Variants in ZNF718 observed in about 807,000 individuals in gnomAD.
ZNF718 encodes zinc finger protein 718.
Under a neutral mutation model 2.6 loss-of-function variants are expected in ZNF718, and 3 were observed. The observed-to-expected ratio is 1.16, with a 90% CI of 0.53 to 3.01. The LOEUF is 3.01. Among genes scored for constraint, ZNF718 ranks in the 30% most tolerant of loss-of-function variants. The pLI, the probability that ZNF718 is intolerant of heterozygous loss-of-function variation, is 0.03. For synonymous variants in ZNF718, 135 were observed against 77.9 expected, an observed-to-expected ratio of 1.73 and a Z score of -3.86; for missense variants, 468 against 230.0, an observed-to-expected ratio of 2.03 and a Z score of -6.69.
At chr4:178,884 G>A (rs1183756677) in intron 3 of ZNF718, among the ~76,000 whole-genome samples, 1 of 152,138 alleles carries the variant, frequency 6.6e-6, no homozygotes, top group African/African-American at 2.4e-5. Context: ...TATGCAGAAG[G>A]TTTTGAAAGT....
At chr4:155,926 T>A (rs1199925050) in intron 3 of ZNF718, among the ~76,000 whole-genome samples, 2 of 152,160 alleles carry the variant, frequency 1.3e-5, no homozygotes, top group Non-Finnish European at 2.9e-5. Context: ...GATAATTGAA[T>A]CAGGGCAGTG....
chr4:158,907 C>G (rs1322934502), intron 3 of ZNF718, among the ~76,000 whole-genome samples: 6 of 132,968 alleles, frequency 4.5e-5, no homozygotes, highest in Non-Finnish European at 7.9e-5. Flanking sequence ...TTTTTTTTTG[C>G]AAGGCAGATG....
At chr4:174,750 T>C (rs782468789) in intron 3 of ZNF718, among the ~76,000 whole-genome samples, 13 of 152,164 alleles carry the variant, frequency 8.5e-5, no homozygotes, top group Non-Finnish European at 1.8e-4. Flanking sequence ...TTCAAGTAAT[T>C]TCCAAGGCCC....
intron 1 of ZNF718, among the ~76,000 whole-genome samples, chr4:125,498 G>C (rs781873233): frequency 7.9e-5 from 12 of 152,178 alleles, no homozygotes; most frequent in Non-Finnish European, 1.3e-4. Flanking sequence ...ACCCCGTTGG[G>C]GTTGGAGCAT....
chr4:168,459 C>T (rs1468632263), downstream of ZNF718, among the ~76,000 whole-genome samples: 5 of 152,064 alleles, frequency 3.3e-5, no homozygotes, highest in East Asian at 1.9e-4. Flanking sequence ...TGGTAGAGTT[C>T]GGCTGTGAAT....
At chr4:183,225 C>G (rs1717502298) in intron 3 of ZNF718, among the ~76,000 whole-genome samples, 1 of 152,170 alleles carries the variant, frequency 6.6e-6, no homozygotes, top group Admixed American at 6.5e-5. Context: ...TATGGCTAGC[C>G]AGTTCTCCCA....
chr4:188,456 C>A (rs1229299390), intron 3 of ZNF718, among the ~76,000 whole-genome samples: 2 of 152,162 alleles, frequency 1.3e-5, no homozygotes, highest in African/African-American at 4.8e-5. Context: ...GAATTCCAAG[C>A]CAGTGGGTCT....
At chr4:149,462 G>A (rs1310736460) in intron 3 of ZNF718, among the ~76,000 whole-genome samples, 1 of 151,578 alleles carries the variant, frequency 6.6e-6, no homozygotes, top group East Asian at 1.9e-4. Flanking sequence ...CATTTTACTG[G>A]GCAATCTTTT....
intron 3 of ZNF718, among the ~76,000 whole-genome samples, chr4:155,871 A>T (rs139269307): frequency 3.7e-4 from 56 of 152,274 alleles, no homozygotes; most frequent in African/African-American, 1.3e-3. Flanking sequence ...ATTTTGAATT[A>T]TAGCTCCCAT....
intron 3 of ZNF718, among the ~76,000 whole-genome samples, chr4:155,910 G>C (rs549299008): frequency 3.9e-5 from 6 of 152,270 alleles, no homozygotes; most frequent in African/African-American, 1.2e-4. Flanking sequence ...GAGGGACCCA[G>C]TGGGAGATAA....
rs145635747 is a variant in ZNF718 at position 124,884 on chromosome 4, C to T, written c.3+211C>T. On this transcript the variant is annotated intron_variant, in intron 1 of 3. Transcript: ENST00000510175. Reference sequence around the variant, plus strand: ...CCTTGTGCAGCTCTGCGCCGGTAGCCCTGCACTTTCCCCGGGCTGTGGAGT... The same window carrying T: ...CCTTGTGCAGCTCTGCGCCGGTAGCTCTGCACTTTCCCCGGGCTGTGGAGT... 3.1e-4 allele frequency: 172 copies of T among 556,880 alleles called. No individual in the cohort carries two copies. In the African/African-American group the frequency reaches 3.2e-3, roughly 10 times the overall value. The allele number at this position is 556,880 out of a possible 1,614,324, so 34.5% of individuals were successfully genotyped here.
rs1270512931 is a variant in ZNF718, at chr4:127,610, G to A, written c.3+2937G>A. Among the ~76,000 whole-genome samples, 130 of 105,168 alleles carry A rather than the reference G, an allele frequency of 1.2e-3. 45 individuals carry two copies. The South Asian group carries it at 0.035, about 29-fold the overall frequency. The allele number at this position is 105,168 out of a possible 152,430, so 69.0% of individuals were successfully genotyped here. On this transcript the variant is annotated intron_variant, in intron 1 of 3. Transcript: ENST00000510175. The stretch of plus-strand genomic sequence containing the variant: ...TCTGAATTTATTTTCTGGGATTTGA[G>A]AGAAGAAAAGAACTTTTATTTGAGA...
intron 3 of ZNF718, among the ~76,000 whole-genome samples, chr4:178,289 TCA>T (rs1316674546): frequency 2.0e-5 from 3 of 151,872 alleles, no homozygotes; most frequent in Non-Finnish European, 4.4e-5. Flanking sequence ...CAGGTACATG[TCA>T]CTACACCTGG....
chr4:130,325 A>G lies in ZNF718; in HGVS notation c.4-463A>G, dbSNP rs1182325143. ...TACCAAATAATTTATATGCATTTTG[A>G]ACCTTAGAGGCAATGCTTGGCTGAG... On this transcript the variant is annotated intron_variant, in intron 1 of 3. Coordinates refer to ENST00000510175, the MANE Select transcript of ZNF718 (RefSeq NM_001039127.6). Among the ~76,000 whole-genome samples the G allele has an allele frequency of 3.8e-5, 4 of 103,980 alleles. 1 individual carries two copies. The highest frequency in any genetic ancestry group is 6.0e-4 in the South Asian group (2 of 3,356). 68.2% of individuals were successfully genotyped at this position (103,980 alleles called of 152,430 possible).
intron 3 of ZNF718, among the ~76,000 whole-genome samples, chr4:199,245 C>G (rs1164743736): frequency 4.6e-5 from 7 of 152,218 alleles, no homozygotes; most frequent in Non-Finnish European, 1.0e-4. Context: ...CCTAGCCTTT[C>G]TTTGTTCCCC....
At chr4:153,306 C>A (rs1396618686) in intron 3 of ZNF718, among the ~76,000 whole-genome samples, 1 of 152,010 alleles carries the variant, frequency 6.6e-6, no homozygotes, top group Non-Finnish European at 1.5e-5. Flanking sequence ...TGCTCCTTTG[C>A]TTATTGTAGC....
intron 1 of ZNF718, among the ~76,000 whole-genome samples, chr4:126,559 T>C (rs1553808058): frequency 6.6e-6 from 1 of 152,206 alleles, no homozygotes; most frequent in Non-Finnish European, 1.5e-5. Flanking sequence ...CGTCCTGTCA[T>C]GAAGATGTGG....
downstream of ZNF718, among the ~76,000 whole-genome samples, chr4:165,349 G>A (rs1171028532): frequency 6.6e-6 from 1 of 152,062 alleles, no homozygotes; most frequent in African/African-American, 2.4e-5. Context: ...GTTTTTCTCT[G>A]TAAAAGAAAA....
intron 3 of ZNF718, among the ~76,000 whole-genome samples, chr4:146,125 T>C (rs925692094): frequency 2.7e-5 from 4 of 150,866 alleles, no homozygotes; most frequent in Admixed American, 2.6e-4. Context: ...TTTATACTTT[T>C]ATATGTTTTC....
Sources: allele counts gnomAD v4.1 joint callset (sites outside exome capture counted in the v4.1 genomes callset), GRCh38; gene constraint gnomAD v4.1.1; transcripts MANE v1.5; gene names NCBI Gene and HGNC (gene_info 2026-07-23, HGNC 2026-07-21).